The following DNAH2 variants were observed in gnomAD, a reference collection of about 807,000 sequenced individuals.
The protein encoded by DNAH2 is dynein axonemal heavy chain 2, also known as axonemal beta dynein heavy chain 2.
In DNAH2, 323 loss-of-function variants were observed where a neutral mutation model predicts 523.5. The observed-to-expected ratio is 0.62, with a 90% confidence interval of 0.56 to 0.68. The LOEUF (loss-of-function observed/expected upper bound fraction) is 0.68. DNAH2 is among the 30% of genes least tolerant of loss of function. The probability of loss-of-function intolerance (pLI) is 0.00; values close to 1 mark genes in which losing one functional copy is unlikely to be tolerated. For synonymous variants in DNAH2, 2,093 were observed against 2,177.4 expected, an observed-to-expected ratio of 0.96 and a Z score of 1.08; for missense variants, 4,907 against 5,701.5, an observed-to-expected ratio of 0.86 and a Z score of 4.49.
Position 7,798,955 on chromosome 17 carries a change from G to T in DNAH2, c.8560-148G>T. Reference sequence around the variant, plus strand: ...AGCTTGTAGTTCCAGCTACTCGGGGGTGGGGGGTGCTGAAGTGGGAGGATG... The same window carrying T: ...AGCTTGTAGTTCCAGCTACTCGGGGTTGGGGGGTGCTGAAGTGGGAGGATG... On this transcript the variant is annotated intron_variant, in intron 55 of 85. Coordinates refer to ENST00000572933, the MANE Select transcript of DNAH2 (RefSeq NM_020877.5). This position sits in a 1 kb window ranked among gnomAD's most constrained non-coding sequence, Gnocchi z 5.5. 1 of 1,220,194 alleles carries T rather than the reference G, an allele frequency of 8.2e-7. No homozygotes were observed. The highest frequency in any genetic ancestry group is 1.1e-6 in the Non-Finnish European group (1 of 883,086). The allele number at this position is 1,220,194 out of a possible 1,614,324, so 75.6% of individuals were successfully genotyped here. A position where few individuals can be genotyped will look rare whatever the true frequency, so the allele number is the denominator to read the frequency against.
intron 12 of DNAH2, among the ~76,000 whole-genome samples, chr17:7,747,305 G>A (rs2075545685): frequency 6.6e-6 from 1 of 151,994 alleles, no homozygotes; most frequent in Admixed American, 6.6e-5. Flanking sequence ...CAATCTGTGT[G>A]GGGGATCTTT....
At chr17:7,785,326 C>A (rs971704778) in intron 39 of DNAH2, among the ~76,000 whole-genome samples, 2 of 152,210 alleles carry the variant, frequency 1.3e-5, no homozygotes, top group African/African-American at 4.8e-5. Context: ...TGGTCTCGAA[C>A]TCCTGACCTC....
At chr17:7,775,911 G>C (rs1049429118) in intron 30 of DNAH2, 113 bp from the exon 31 acceptor site, 14 of 1,417,634 alleles carry the variant, frequency 9.9e-6, no homozygotes, top group Non-Finnish European at 1.3e-5. Flanking sequence ...GGCCATTCCC[G>C]CTTTTCTCTG....
Position 7,801,883 on chromosome 17 carries a change from C to T in DNAH2, c.8838C>T (p.His2946=). The T allele has an allele frequency of 1.2e-6, 2 of 1,614,202 alleles. No individual in the cohort carries two copies. The highest frequency in any genetic ancestry group is 2.2e-5 in the South Asian group (2 of 91,086). ...GVDLGTQENI[H]RKVAQIFVTM... is the part of the protein sequence containing the mutation. Reference sequence around the variant, plus strand: ...TCCTGTGTCACTGGCCTCAGATCCACAGGAAGGTGGCCCAGATCTTTGTCA... The same window carrying T: ...TCCTGTGTCACTGGCCTCAGATCCATAGGAAGGTGGCCCAGATCTTTGTCA... The change falls in exon 58 of 86, where the codon CAC becomes CAT. Residue 2946 remains histidine, a synonymous_variant. Coordinates refer to ENST00000572933, the MANE Select transcript of DNAH2 (RefSeq NM_020877.5).
At position 7,805,556 on chromosome 17, in the gene DNAH2, G is replaced by A. The variant is rs374217528; in HGVS notation, c.9442+163G>A. Among the ~76,000 whole-genome samples, 163 of 152,246 alleles carry A rather than the reference G, an allele frequency of 1.1e-3. 2 individuals carry two copies. The highest frequency in any genetic ancestry group is 3.7e-3 in the African/African-American group (154 of 41,534). ...GGAGACCGCATGAATATCAGTTAAG[G>A]TTCTTTGGTTGTGGGTCGAGTGTGG... On this transcript the variant is annotated intron_variant, in intron 61 of 85. Transcript: ENST00000572933.
rs1352453487 is a variant in DNAH2 at position 7,781,070 on chromosome 17, A to C, written c.6032A>C (p.Asn2011Thr). The change falls in exon 39 of 86, where the codon AAC becomes ACC. Residue 2011 changes from asparagine to threonine, a missense_variant. Physicochemically the swap from Asn to Thr is moderately conservative, Grantham distance 65. Transcript: ENST00000572933. ...EVLLLSMRDM[N>T]IAKLTSVDAP... ...CTGCTGCTCTCAATGAGAGATATGA[A>C]CATCGCCAAGCTCACTTCAGTTGAT... 1.2e-6 allele frequency: 2 copies of C among 1,614,216 alleles called. No individual in the cohort carries two copies. Among genetic ancestry groups the C allele is most frequent in the East Asian group, 4.5e-5 (2 of 44,888 alleles).
intron 4 of DNAH2, among the ~76,000 whole-genome samples, chr17:7,727,996 C>T (rs1442929292): frequency 2.6e-5 from 4 of 151,984 alleles, no homozygotes; most frequent in African/African-American, 7.3e-5. Context: ...AAAGACCACT[C>T]TACGTACAAA....
At position 7,759,243 on chromosome 17, in the gene DNAH2, A is replaced by G. The variant is rs2075935830; in HGVS notation, c.2448+119A>G. 6 of 1,479,748 alleles carry G rather than the reference A, an allele frequency of 4.1e-6. No individual in the cohort carries two copies. In the South Asian group the frequency reaches 5.3e-5, roughly 13 times the overall value. 91.7% of individuals were successfully genotyped at this position (1,479,748 alleles called of 1,614,324 possible). On this transcript the variant is annotated intron_variant, in intron 15 of 85. Coordinates refer to ENST00000572933, the MANE Select transcript of DNAH2 (RefSeq NM_020877.5). ...TTTTACCAGTGTGTACTTCTCAAACATCGTGCTCTAGTCTTGGACTCAGCC... is the reference window on the plus strand; with the variant it reads ...TTTTACCAGTGTGTACTTCTCAAACGTCGTGCTCTAGTCTTGGACTCAGCC...
At chr17:7,815,541 C>CACACACATATACAGGATCAT in intron 63 of DNAH2, among the ~76,000 whole-genome samples, 1 of 151,968 alleles carries the variant, frequency 6.6e-6, no homozygotes, top group African/African-American at 2.4e-5. Context: ...TATACAGGAT[C>CACACACATATACAGGATCAT]ACACACATAT....
At chr17:7,770,996 C>T in intron 27 of DNAH2, 63 bp downstream of exon 27, 1 of 1,566,512 alleles carries the variant, frequency 6.4e-7, no homozygotes, top group South Asian at 1.2e-5. Flanking sequence ...TTCTTAAGAC[C>T]TAGATTTTGC....
intron 56 of DNAH2, 71 bp from the exon 57 acceptor site, chr17:7,801,507 G>T: frequency 6.3e-7 from 1 of 1,599,158 alleles, no homozygotes. Flanking sequence ...GAGTGGATGC[G>T]TGTTGGGAAG....
At position 7,740,640 on chromosome 17, in the gene DNAH2, C is replaced by T. The variant is rs868428549; in HGVS notation, c.1506+91C>T. The T allele has an allele frequency of 3.4e-5, 54 of 1,569,218 alleles. No individual in the cohort carries two copies. In the African/African-American group the frequency reaches 6.6e-4, roughly 19 times the overall value. On this transcript the variant is annotated intron_variant, in intron 10 of 85. Transcript: ENST00000572933. ...GAGGCCCTCCTGCCTCCACGTGTGC[C>T]CTTCTCCATGTCCAGCATTCGGGCG...
At chr17:7,720,318 T>C (rs2074562626) in intron 2 of DNAH2, among the ~76,000 whole-genome samples, 1 of 152,218 alleles carries the variant, frequency 6.6e-6, no homozygotes, top group Non-Finnish European at 1.5e-5. Context: ...CAGCCTGTTT[T>C]GCCACCCTTT....
intron 6 of DNAH2, 75 bp downstream of exon 6, chr17:7,734,368 T>C: frequency 6.3e-7 from 1 of 1,599,524 alleles, no homozygotes; most frequent in Non-Finnish European, 8.6e-7. Flanking sequence ...ATGCTGACAA[T>C]GGAGTTGGGT....
Position 7,818,025 on chromosome 17 carries a change from T to C in DNAH2, c.10316T>C (p.Leu3439Pro). 1 of 1,614,112 alleles carries C rather than the reference T, an allele frequency of 6.2e-7. No individual in the cohort carries two copies. Among genetic ancestry groups the C allele is most frequent in the African/African-American group, 1.3e-5 (1 of 75,026 alleles). ...GCCATTCACTTTGGATACCCGGTGC[T>C]ACTTCAGAACGTGCAGGAATATCTG... ...EHAIHFGYPV[L>P]LQNVQEYLDP... The change falls in exon 68 of 86, where the codon CTA becomes CCA. Residue 3439 changes from leucine to proline, a missense_variant. Physicochemically the swap from Leu to Pro is moderately conservative, Grantham distance 98 (BLOSUM62 -3). Transcript: ENST00000572933.
Position 7,718,193 on chromosome 17 carries a change from G to C in DNAH2, c.-621G>C, listed in dbSNP as rs905257878. 6.6e-6 allele frequency: 1 copy of C among 152,244 alleles called. No homozygotes were observed. Among genetic ancestry groups the C allele is most frequent in the Non-Finnish European group, 1.5e-5 (1 of 68,068 alleles). 9.4% of individuals were successfully genotyped at this position (152,244 alleles called of 1,614,324 possible). On this transcript the variant is annotated 5_prime_UTR_variant, in exon 1 of 86. Coordinates refer to ENST00000572933, the MANE Select transcript of DNAH2 (RefSeq NM_020877.5). ...AGAGCAGTTCCTCCTGGGGCCTGCG[G>C]TGTGGGATCGCGTGGTGAACCCCAC...
chr17:7,815,786 G>C (rs2077650044), intron 63 of DNAH2, among the ~76,000 whole-genome samples: 1 of 151,970 alleles, frequency 6.6e-6, no homozygotes, highest in South Asian at 2.1e-4. Context: ...TTGGGACAAG[G>C]CTCTATCAGT....
Position 7,831,010 on chromosome 17 carries a change from A to G in DNAH2, c.12231-76A>G. 6.5e-7 allele frequency: 1 copy of G among 1,528,020 alleles called. No individual in the cohort carries two copies. The allele number at this position is 1,528,020 out of a possible 1,614,324, so 94.7% of individuals were successfully genotyped here. A position where few individuals can be genotyped will look rare whatever the true frequency, so the allele number is the denominator to read the frequency against. ...AGGGAGCTGGACAAATTGGACATGCATAGGTTTGGGGTCTTGGCCTGGCAT... is the reference window on the plus strand; with the variant it reads ...AGGGAGCTGGACAAATTGGACATGCGTAGGTTTGGGGTCTTGGCCTGGCAT... On this transcript the variant is annotated intron_variant, in intron 79 of 85. Transcript: ENST00000572933. This position sits in a 1 kb window ranked among gnomAD's most constrained non-coding sequence, Gnocchi z 4.2.
At chr17:7,830,532 T>A (rs764748737) in intron 78 of DNAH2, 41 bp downstream of exon 78, 1 of 1,609,264 alleles carries the variant, frequency 6.2e-7, no homozygotes, top group Non-Finnish European at 8.5e-7. Context: ...CCCTCTCTCC[T>A]TACACGTCCT....
Sources: gnomAD v4.1 joint callset for allele counts (sites outside exome capture counted in the v4.1 genomes callset) on GRCh38, gnomAD v4.1.1 for gene constraint, Gnocchi (gnomAD v3.1) non-coding constraint, MANE v1.5 for transcripts, NCBI Gene and HGNC (gene_info 2026-07-23, HGNC 2026-07-21) for gene names.